LYST: variants seen among roughly 807,000 people sequenced by gnomAD.
LYST encodes lysosomal-trafficking regulator.
In LYST, 192 loss-of-function variants were observed where a neutral mutation model predicts 413.6. The observed-to-expected ratio is 0.46, with a 90% CI of 0.41 to 0.52. The LOEUF is 0.52. Among genes scored for constraint, LYST ranks in the 20% least tolerant of loss-of-function variants. The pLI is 0.00. For synonymous variants in LYST, 1,525 were observed against 1,567.3 expected (o/e 0.97, Z 0.64); for missense variants, 3,815 against 4,499.9 (o/e 0.85, Z 4.35).
At chr1:235,739,715 T>C (rs1047561552) in intron 31 of LYST, among the ~76,000 whole-genome samples, 11 of 152,158 alleles carry the variant, frequency 7.2e-5, no homozygotes, top group African/African-American at 2.2e-4. Context: ...ATGAGAGACT[T>C]AGAGAAATCA....
At chr1:235,695,857 G>A (rs1035772372) in intron 46 of LYST, among the ~76,000 whole-genome samples, 11 of 151,840 alleles carry the variant, frequency 7.2e-5, no homozygotes, top group Admixed American at 7.2e-4. Flanking sequence ...GGATGGTCTC[G>A]ATCTCCTGAC....
At position 235,697,071 on chromosome 1, in the gene LYST, A is replaced by C; in HGVS notation, c.10564+12T>G. ...ATATATCCAGAATGATCTTCGTTAC[A>C]TTTTATTTTACCTTGTTCCTTGCTA... is the stretch of plus-strand genomic sequence containing the variant. On this transcript the variant is annotated intron_variant, in intron 46 of 52. Coordinates refer to ENST00000389793, the MANE Select transcript of LYST (RefSeq NM_000081.4). The C allele has an allele frequency of 6.2e-7, 1 of 1,611,100 alleles. No homozygotes were observed.
intron 47 of LYST, among the ~76,000 whole-genome samples, chr1:235,689,070 CTCAAA>C (rs1480002532): frequency 6.7e-6 from 1 of 150,368 alleles, no homozygotes; most frequent in African/African-American, 2.4e-5. Flanking sequence ...GCTGAATTTT[CTCAAA>C]TCAAAGAATT....
At chr1:235,798,578 T>TAAAAAAAAAAAA (rs71174462) in intron 10 of LYST, among the ~76,000 whole-genome samples, 5 of 81,710 alleles carry the variant, frequency 6.1e-5, no homozygotes, top group Non-Finnish European at 1.2e-4. Flanking sequence ...AACCCTGTCA[T>TAAAAAAAAAAAA]AAAAAAAAAA....
In LYST at chr1:235,724,199, C is replaced by G; in HGVS notation, c.9163-19G>C. ...GAAGGCTCTAAGACAAAGAAATAGG[C>G]AAAAATATTTGTTTTACCGGAAATA... On this transcript the variant is annotated intron_variant, in intron 38 of 52. Transcript: ENST00000389793. 2 of 1,597,030 alleles carry G rather than the reference C, an allele frequency of 1.3e-6. No individual in the cohort carries two copies. Among genetic ancestry groups the G allele is most frequent in the Non-Finnish European group, 1.7e-6 (2 of 1,167,458 alleles).
intron 1 of LYST, among the ~76,000 whole-genome samples, chr1:235,857,780 C>G (rs1339248111): frequency 7.4e-6 from 1 of 135,856 alleles, no homozygotes; most frequent in Admixed American, 7.2e-5. Context: ...CACACACACA[C>G]ACACATATAT....
chr1:235,788,785 CCTT>C lies in LYST; in HGVS notation c.4601_4603del (p.Glu1534del). 4 of 1,613,398 alleles carry C rather than the reference CCTT, an allele frequency of 2.5e-6. No individual in the cohort carries two copies. In the South Asian group the frequency reaches 3.3e-5, roughly 13 times the overall value. On this transcript the variant is annotated inframe_deletion, in exon 13 of 53. Transcript: ENST00000389793. ...TCCCAGTGAAATTATATGAATACAT[CCTT>C]CTTCTATGAGTCTTTCACCAGGATT...
intron 39 of LYST, among the ~76,000 whole-genome samples, chr1:235,723,488 TG>T (rs1663578948): frequency 6.6e-6 from 1 of 151,934 alleles, no homozygotes; most frequent in Non-Finnish European, 1.5e-5. Flanking sequence ...TAAGAGAAAA[TG>T]GTAACCCAGA....
intron 16 of LYST, among the ~76,000 whole-genome samples, chr1:235,780,066 T>C (rs1166515406): frequency 6.6e-6 from 1 of 152,130 alleles, no homozygotes; most frequent in African/African-American, 2.4e-5. Flanking sequence ...TAAGCAGAAT[T>C]AGCAATACTT....
chr1:235,737,916 A>ACCAGGATG, intron 31 of LYST: 33 of 1,163,398 alleles, frequency 2.8e-5, no homozygotes, highest in South Asian at 2.3e-4. Context: ...GCTGCCGACG[A>ACCAGGATG]GTCTGGATCT....
intron 38 of LYST, 53 bp downstream of exon 38, chr1:235,728,022 CA>C: frequency 8.0e-7 from 1 of 1,244,794 alleles, no homozygotes; most frequent in East Asian, 2.3e-5. Flanking sequence ...TGAATTGATA[CA>C]TTTTTGGAAT....
At chr1:235,839,811 T>C (rs1160660377) in intron 1 of LYST, 1 of 150,414 alleles carries the variant, frequency 6.6e-6, no homozygotes, top group East Asian at 2.0e-4. Context: ...TCTCAAAAAA[T>C]AAAATAAAAT....
At chr1:235,669,043 A>G (rs1447090748) in intron 50 of LYST, among the ~76,000 whole-genome samples, 2 of 152,184 alleles carry the variant, frequency 1.3e-5, no homozygotes, top group Non-Finnish European at 2.9e-5. Flanking sequence ...CAATAACAAA[A>G]CCCTAACAGG....
At position 235,787,063 on chromosome 1, in the gene LYST, A is replaced by C. The variant is rs1010544199; in HGVS notation, c.4862+137T>G. Reference sequence around the variant, plus strand: ...AAAGTACAATAATAATAAAAAAAGAAACAACAAAAAATATAGTAAATTTTA... The same window carrying C: ...AAAGTACAATAATAATAAAAAAAGACACAACAAAAAATATAGTAAATTTTA... On this transcript the variant is annotated intron_variant, in intron 14 of 52. Transcript: ENST00000389793. 3.7e-5 allele frequency: 25 copies of C among 674,066 alleles called. No homozygotes were observed. The African/African-American group carries it at 4.2e-4, about 11-fold the overall frequency. The allele number at this position is 674,066 out of a possible 1,614,324, so 41.8% of individuals were successfully genotyped here. A position where few individuals can be genotyped will look rare whatever the true frequency, so the allele number is the denominator to read the frequency against.
chr1:235,767,112 A>G (rs1490877973), intron 20 of LYST, among the ~76,000 whole-genome samples: 1 of 152,084 alleles, frequency 6.6e-6, no homozygotes, highest in Admixed American at 6.5e-5. Flanking sequence ...AATGCCAACT[A>G]ATTACTAAAA....
intron 10 of LYST, among the ~76,000 whole-genome samples, chr1:235,798,877 T>C (rs370113456): frequency 6.6e-6 from 1 of 151,962 alleles, no homozygotes; most frequent in South Asian, 2.1e-4. Flanking sequence ...GGGTACAGGG[T>C]TTCTTTTGGG....
chr1:235,869,404 G>A (rs1466493942), upstream of LYST, among the ~76,000 whole-genome samples: 1 of 152,152 alleles, frequency 6.6e-6, no homozygotes, highest in African/African-American at 2.4e-5. Flanking sequence ...CCCGGGAGGC[G>A]GAGCTTGCAG....
intron 47 of LYST, among the ~76,000 whole-genome samples, chr1:235,689,752 A>G (rs1660510805): frequency 6.6e-6 from 1 of 152,248 alleles, no homozygotes; most frequent in South Asian, 2.1e-4. Flanking sequence ...CATGTATTAA[A>G]ACATCACATT....
rs75737427 is a variant in LYST, at chr1:235,760,473, T to G, written c.6254-874A>C. ...GCTCTCTAATTTACTGCTTCTAATA[T>G]TCTATGCAGGAAGACACCAGAAAAA... On this transcript the variant is annotated intron_variant, in intron 22 of 52. Coordinates refer to ENST00000389793, the MANE Select transcript of LYST (RefSeq NM_000081.4). Among the ~76,000 whole-genome samples, 13 of 152,318 alleles carry G rather than the reference T, an allele frequency of 8.5e-5. No homozygotes were observed. The East Asian group carries it at 2.5e-3, about 29-fold the overall frequency.
Sources: gnomAD v4.1 joint callset for allele counts (sites outside exome capture counted in the v4.1 genomes callset) on GRCh38, gnomAD v4.1.1 for gene constraint, MANE v1.5 for transcripts, NCBI Gene and HGNC (gene_info 2026-07-23, HGNC 2026-07-21) for gene names.